ALG9: variants seen among roughly 807,000 people sequenced by gnomAD.
The protein encoded by ALG9 is ALG9 alpha-1,2-mannosyltransferase, also known as alpha-1,2-mannosyltransferase ALG9.
ALG9 carries 55 observed loss-of-function variants against 81.8 expected under a neutral mutation model. The ratio of observed to expected loss-of-function variants is 0.67; its 90% CI spans 0.54 to 0.84. The LOEUF (loss-of-function observed/expected upper bound fraction) is 0.84. Among genes scored for constraint, ALG9 ranks in the 40% least tolerant of loss-of-function variants. The pLI, the probability that ALG9 is intolerant of heterozygous loss-of-function variation, is 0.00. For missense variants in ALG9, 629 were observed against 745.0 expected (o/e 0.84, Z 1.81); for synonymous variants, 278 against 274.3 (o/e 1.01, Z -0.13).
At chr11:111,776,390 G>T in the ALG9 span, among the ~76,000 whole-genome samples, 1 of 152,100 alleles carries the variant, frequency 6.6e-6, no homozygotes, top group East Asian at 1.9e-4. Flanking sequence ...AGGAGTTTGA[G>T]ACCAGCCTGG....
At chr11:111,848,539 G>A (rs782691152) in intron 8 of ALG9, among the ~76,000 whole-genome samples, 2 of 146,592 alleles carry the variant, frequency 1.4e-5, no homozygotes, top group Admixed American at 6.9e-5. Flanking sequence ...GCGGGGAGTC[G>A]AGGTCACCCC....
At chr11:111,788,263 A>G (rs1443756277) in intron 14 of ALG9, among the ~76,000 whole-genome samples, 1 of 152,122 alleles carries the variant, frequency 6.6e-6, no homozygotes. Context: ...TGGCATGCAC[A>G]CCTCTTAGAG....
At chr11:111,835,387 G>C (rs1363457832) in intron 13 of ALG9, among the ~76,000 whole-genome samples, 1 of 152,186 alleles carries the variant, frequency 6.6e-6, no homozygotes, top group African/African-American at 2.4e-5. Context: ...AATTCGCATG[G>C]GATCTCAGAA....
At chr11:111,849,024 C>T (rs1402728530) in intron 8 of ALG9, among the ~76,000 whole-genome samples, 4 of 151,522 alleles carry the variant, frequency 2.6e-5, no homozygotes, top group African/African-American at 9.7e-5. Context: ...TGCTCAAAAG[C>T]AATTTATTCA....
intron 6 of ALG9, among the ~76,000 whole-genome samples, chr11:111,854,791 T>C (rs1555142052): frequency 6.6e-6 from 1 of 152,240 alleles, no homozygotes; most frequent in Middle Eastern, 3.2e-3. Context: ...CCAATATCTG[T>C]CTTTCCTACT....
chr11:111,851,492 AAAAGAG>A (rs1270084240), intron 8 of ALG9, among the ~76,000 whole-genome samples: 1 of 151,972 alleles, frequency 6.6e-6, no homozygotes, highest in Non-Finnish European at 1.5e-5. Context: ...AAAAAAAAAA[AAAAGAG>A]AGAGAGAGAT....
intron 6 of ALG9, among the ~76,000 whole-genome samples, chr11:111,854,653 T>C (rs1188100314): frequency 6.6e-6 from 1 of 152,256 alleles, no homozygotes; most frequent in Non-Finnish European, 1.5e-5. Flanking sequence ...CTTCTGTGAT[T>C]TGAACCTCCA....
intron 13 of ALG9, among the ~76,000 whole-genome samples, chr11:111,823,067 A>C (rs141729523): frequency 1.3e-5 from 2 of 152,264 alleles, no homozygotes; most frequent in East Asian, 3.9e-4. Context: ...TCTGCCTCCG[A>C]CTAAGTGCTC....
the ALG9 span, among the ~76,000 whole-genome samples, chr11:111,773,044 C>T: frequency 1.3e-5 from 2 of 151,888 alleles, no homozygotes; most frequent in East Asian, 3.9e-4. Context: ...CGAGACCATC[C>T]TGGCTAACAT....
In ALG9 at chr11:111,837,487, T is replaced by C. The variant is rs1955504114; in HGVS notation, c.1453A>G (p.Ser485Gly). ...VGKEWYRFPS[S>G]FLLPDNWQLQ... ...ACTTACTTGTCAGGAAGAAGGAAGC[T>C]GCTGGGAAATCGATACCACTCTTTT... The change falls in exon 12 of 15, where the codon AGC (serine) becomes GGC (glycine). Residue 485 changes from serine to glycine, a missense_variant. By Grantham distance (56) the Ser-to-Gly change is moderately conservative. Coordinates refer to ENST00000616540, the MANE Select transcript of ALG9 (RefSeq NM_024740.2). The C allele has an allele frequency of 6.2e-7, 1 of 1,614,200 alleles. No individual in the cohort carries two copies. The highest frequency in any genetic ancestry group is 1.1e-5 in the South Asian group (1 of 91,086).
intron 12 of ALG9, chr11:111,836,553 CA>C: frequency 2.3e-6 from 1 of 427,144 alleles, no homozygotes; most frequent in Non-Finnish European, 4.4e-6. Flanking sequence ...GTCATATCAT[CA>C]AAAAACCAGA....
intron 14 of ALG9, among the ~76,000 whole-genome samples, chr11:111,798,982 C>CA (rs1323761937): frequency 2.0e-5 from 3 of 152,212 alleles, no homozygotes; most frequent in African/African-American, 7.2e-5. Flanking sequence ...ACTTCTCCAT[C>CA]ACTCCAACAA....
chr11:111,863,739 T>C (rs1337499654), intron 4 of ALG9, among the ~76,000 whole-genome samples: 3 of 152,166 alleles, frequency 2.0e-5, no homozygotes, highest in Non-Finnish European at 2.9e-5. Context: ...AATAGGTACT[T>C]TGTGAAAGAC....
intron 1 of ALG9, 172 bp downstream of exon 1, chr11:111,871,180 G>A (rs1212959744): frequency 6.9e-6 from 9 of 1,297,790 alleles, no homozygotes; most frequent in Non-Finnish European, 8.7e-6. Context: ...GGCGAAGACT[G>A]AATGCTGACC....
At chr11:111,842,205 G>T (rs1423368835) in intron 9 of ALG9, among the ~76,000 whole-genome samples, 1 of 151,252 alleles carries the variant, frequency 6.6e-6, no homozygotes, top group African/African-American at 2.4e-5. Context: ...CCTAAGGTGG[G>T]GTTTTTTAAT....
At chr11:111,814,670 T>C (rs1258462961) in intron 13 of ALG9, 2 of 152,216 alleles carry the variant, frequency 1.3e-5, no homozygotes, top group African/African-American at 2.4e-5. Context: ...ATTATTTATA[T>C]GTAAAAAAGA....
At chr11:111,867,192 C>G (rs1179295530) in intron 3 of ALG9, among the ~76,000 whole-genome samples, 3 of 152,216 alleles carry the variant, frequency 2.0e-5, no homozygotes, top group African/African-American at 7.2e-5. Context: ...CAGGTGCCAC[C>G]TTTCTGATCA....
At chr11:111,780,389 T>TG (rs1177675555), downstream of ALG9, among the ~76,000 whole-genome samples, 78 of 144,542 alleles carry the variant, frequency 5.4e-4, no homozygotes, top group African/African-American at 1.9e-3. Context: ...GCCGTTTTTT[T>TG]TTTTGTTTTG....
chr11:111,806,052 GT>G (rs1949881667), intron 14 of ALG9, among the ~76,000 whole-genome samples: 1 of 151,962 alleles, frequency 6.6e-6, no homozygotes, highest in Admixed American at 6.6e-5. Context: ...TAGAGACAGG[GT>G]TTCGCTATGT....
Sources: allele counts gnomAD v4.1 joint callset (sites outside exome capture counted in the v4.1 genomes callset), GRCh38; gene constraint gnomAD v4.1.1; transcripts MANE v1.5; gene names NCBI Gene and HGNC (gene_info 2026-07-23, HGNC 2026-07-21).